APP: variants seen among roughly 807,000 people sequenced by gnomAD.
APP encodes the protein amyloid beta precursor protein.
APP carries 31 observed loss-of-function variants against 101.4 expected under a neutral mutation model. The ratio of observed to expected loss-of-function variants is 0.31; its 90% CI spans 0.23 to 0.41. APP has a LOEUF of 0.41. APP is among the 10% of genes least tolerant of loss of function. The pLI is 1.00. For synonymous variants in APP, 366 were observed against 364.4 expected (o/e 1.00, Z -0.05); for missense variants, 839 against 1,003.7 (o/e 0.84, Z 2.22).
chr21:25,930,050 T>C (rs2040074647), intron 13 of APP, among the ~76,000 whole-genome samples: 1 of 152,198 alleles, frequency 6.6e-6, no homozygotes, highest in Non-Finnish European at 1.5e-5. Flanking sequence ...TCCAGCTGCG[T>C]GCTGGACTGA....
At chr21:25,914,091 T>C (rs1001236515) in intron 13 of APP, among the ~76,000 whole-genome samples, 1 of 152,208 alleles carries the variant, frequency 6.6e-6, no homozygotes, top group East Asian at 1.9e-4. Context: ...TGTTTTCTAA[T>C]CATGGCAGAA....
At chr21:26,135,362 G>C (rs1331945380) in intron 1 of APP, among the ~76,000 whole-genome samples, 1 of 152,186 alleles carries the variant, frequency 6.6e-6, no homozygotes, top group African/African-American at 2.4e-5. Flanking sequence ...ATAACTTAAA[G>C]ATAGCCAAGT....
chr21:26,102,082 GTTTT>G (rs35680514), intron 2 of APP, among the ~76,000 whole-genome samples: 5 of 101,142 alleles, frequency 4.9e-5, no homozygotes, highest in Admixed American at 1.2e-4. Flanking sequence ...AAACTATGTG[GTTTT>G]TTTTTTTTTT....
intron 3 of APP, among the ~76,000 whole-genome samples, chr21:26,086,562 T>TAAA (rs5843205): frequency 1.6e-3 from 240 of 149,154 alleles, no homozygotes; most frequent in Admixed American, 1.7e-3. Context: ...GCTAGGTCAG[T>TAAA]AAAAAAAAAA....
At chr21:26,121,210 TAA>T (rs1003075192) in intron 1 of APP, among the ~76,000 whole-genome samples, 6 of 152,340 alleles carry the variant, frequency 3.9e-5, no homozygotes, top group Admixed American at 1.3e-4. Context: ...CAAATATGTG[TAA>T]GAGTTATGAG....
At chr21:26,021,807 G>C (rs1232531543) in intron 6 of APP, 33 bp downstream of exon 6, 2 of 1,608,900 alleles carry the variant, frequency 1.2e-6, no homozygotes. Context: ...TTTTCCTTGG[G>C]GGTGGGGGGA....
chr21:26,087,436 T>C (rs922168731), intron 3 of APP, among the ~76,000 whole-genome samples: 2 of 152,226 alleles, frequency 1.3e-5, no homozygotes, highest in South Asian at 2.1e-4. Flanking sequence ...ACGTGCTCAT[T>C]TCACATCAGA....
intron 1 of APP, among the ~76,000 whole-genome samples, chr21:26,143,874 C>G (rs1048818418): frequency 6.6e-6 from 1 of 152,180 alleles, no homozygotes; most frequent in African/African-American, 2.4e-5. Context: ...TTCAACCTCA[C>G]CCCTATTGTT....
intron 14 of APP, among the ~76,000 whole-genome samples, chr21:25,910,295 CTTTTTTTTGT>C: frequency 1.3e-5 from 2 of 151,894 alleles, no homozygotes; most frequent in Non-Finnish European, 2.9e-5. Context: ...GCCCGGCTAA[CTTTTTTTTGT>C]ATTTTTAGTA....
In APP at chr21:25,969,003, G is replaced by C. The variant is rs529560335; in HGVS notation, c.1458+6067C>G. Among the ~76,000 whole-genome samples the C allele has an allele frequency of 8.5e-5, 13 of 152,126 alleles. No individual in the cohort carries two copies. In the South Asian group the frequency reaches 2.7e-3, roughly 32 times the overall value. On this transcript the variant is annotated intron_variant, in intron 11 of 17. Transcript: ENST00000346798. ...CTATTACAAGATGTGATCTTTTTCA[G>C]ACAACCACCAGTAAGCTCTGGATTT...
At chr21:25,995,525 A>C (rs115076569) in intron 8 of APP, among the ~76,000 whole-genome samples, 2,100 of 152,246 alleles carry the variant, frequency 0.014, 48 homozygotes, top group African/African-American at 0.048. Context: ...AAGCTCTTGA[A>C]GCCTCATTTT....
intron 7 of APP, among the ~76,000 whole-genome samples, chr21:25,999,284 C>T (rs1313993292): frequency 2.0e-5 from 3 of 152,010 alleles, no homozygotes; most frequent in Non-Finnish European, 2.9e-5. Flanking sequence ...AGAATGAGAC[C>T]CTGTCTTTAA....
At chr21:26,121,116 T>G (rs1465760846) in intron 1 of APP, among the ~76,000 whole-genome samples, 1 of 152,166 alleles carries the variant, frequency 6.6e-6, no homozygotes, top group Non-Finnish European at 1.5e-5. Context: ...CCTACCAAAT[T>G]TCACCATGTG....
intron 13 of APP, chr21:25,941,392 A>G (rs2040571576): frequency 6.6e-6 from 1 of 152,278 alleles, no homozygotes; most frequent in Non-Finnish European, 1.5e-5. Context: ...CTCTGTTGCA[A>G]CAATATAAAC....
intron 11 of APP, among the ~76,000 whole-genome samples, chr21:25,973,986 AC>A (rs1325827678): frequency 6.7e-5 from 10 of 150,048 alleles, no homozygotes; most frequent in Admixed American, 2.0e-4. Context: ...CATAAGTTAC[AC>A]ACTCATGCTC....
At chr21:25,947,549 A>G (rs1381471543) in intron 13 of APP, among the ~76,000 whole-genome samples, 1 of 152,232 alleles carries the variant, frequency 6.6e-6, no homozygotes, top group Non-Finnish European at 1.5e-5. Flanking sequence ...ATTTTGAAAG[A>G]GAAATTGTCT....
intron 13 of APP, among the ~76,000 whole-genome samples, chr21:25,918,744 G>A (rs6516711): frequency 6.6e-6 from 1 of 150,564 alleles, no homozygotes; most frequent in African/African-American, 2.4e-5. Flanking sequence ...CCACGGAATC[G>A]CGCTGATTGC....
At chr21:25,969,983 C>G (rs191962) in intron 11 of APP, among the ~76,000 whole-genome samples, 1 of 136,678 alleles carries the variant, frequency 7.3e-6, no homozygotes, top group Admixed American at 7.4e-5. Context: ...GGAAGGAAGG[C>G]AGGAGAGAAA....
At chr21:25,884,419 A>G (rs1483450299) in intron 17 of APP, among the ~76,000 whole-genome samples, 1 of 152,202 alleles carries the variant, frequency 6.6e-6, no homozygotes, top group Non-Finnish European at 1.5e-5. Context: ...CTGGGAGCAA[A>G]TCACAGATAT....
Sources: allele counts gnomAD v4.1 joint callset (sites outside exome capture counted in the v4.1 genomes callset), GRCh38; gene constraint gnomAD v4.1.1; transcripts MANE v1.5; gene names NCBI Gene and HGNC (gene_info 2026-07-23, HGNC 2026-07-21).